Variants in TNIK observed in about 807,000 individuals in gnomAD.
TNIK encodes TRAF2 and NCK interacting kinase, also known as TRAF2 and NCK-interacting protein kinase.
TNIK carries 49 observed loss-of-function variants against 191.3 expected under a neutral mutation model. The observed-to-expected ratio is 0.26, with a 90% confidence interval of 0.20 to 0.32. TNIK has a LOEUF of 0.32. Among genes scored for constraint, TNIK ranks in the 10% least tolerant of loss-of-function variants. The pLI, the probability that TNIK is intolerant of heterozygous loss-of-function variation, is 1.00. For missense variants in TNIK, 1,155 were observed against 1,702.3 expected (o/e 0.68, Z 5.66); for synonymous variants, 594 against 600.9 (o/e 0.99, Z 0.17).
At chr3:171,100,746 GAA>G (rs111353325) in intron 22 of TNIK, among the ~76,000 whole-genome samples, 138 of 92,902 alleles carry the variant, frequency 1.5e-3, no homozygotes, top group Non-Finnish European at 1.8e-3. Flanking sequence ...TCCTCACCTT[GAA>G]AAAAAAAAAA....
chr3:171,162,793 TA>T (rs1018380209), intron 10 of TNIK, among the ~76,000 whole-genome samples: 1 of 152,264 alleles, frequency 6.6e-6, no homozygotes, highest in Admixed American at 6.5e-5. Flanking sequence ...ATCTCATTAA[TA>T]AAAGGTCAAT....
chr3:171,199,919 C>T (rs1283644059), intron 4 of TNIK, among the ~76,000 whole-genome samples: 1 of 152,186 alleles, frequency 6.6e-6, no homozygotes, highest in Non-Finnish European at 1.5e-5. Context: ...TGGAAGATAG[C>T]ATCAATACCT....
In TNIK at chr3:171,353,858, G is replaced by A. The variant is rs1226811907; in HGVS notation, c.123+15762C>T. ...TTTTTTCTTCTCTTAGTAATAGTAG[G>A]CAGTAATGATTGTGGTCCTGGTACT... is the stretch of plus-strand genomic sequence containing the variant. On this transcript the variant is annotated intron_variant, in intron 2 of 32. Coordinates refer to ENST00000436636, the MANE Select transcript of TNIK (RefSeq NM_015028.4). Among the ~76,000 whole-genome samples, 7 of 152,268 alleles carry A rather than the reference G, an allele frequency of 4.6e-5. No homozygotes were observed. In the South Asian group the frequency reaches 1.0e-3, roughly 23 times the overall value.
At position 171,460,205 on chromosome 3, in the gene TNIK, C is replaced by T; in HGVS notation, c.-142G>A. 4 of 1,042,620 alleles carry T rather than the reference C, an allele frequency of 3.8e-6. No individual in the cohort carries two copies. The highest frequency in any genetic ancestry group is 5.6e-6 in the Non-Finnish European group (4 of 715,090). The allele number at this position is 1,042,620 out of a possible 1,614,324, so 64.6% of individuals were successfully genotyped here. A position where few individuals can be genotyped will look rare whatever the true frequency, so the allele number is the denominator to read the frequency against. Reference sequence around the variant, plus strand: ...GCCCAGCCTCCCCCGCCCACCCCAGCCCCACAGCGCCGGATCCCGATCCTC... The same window carrying T: ...GCCCAGCCTCCCCCGCCCACCCCAGTCCCACAGCGCCGGATCCCGATCCTC... On this transcript the variant is annotated 5_prime_UTR_variant, in exon 1 of 33. Coordinates refer to ENST00000436636, the MANE Select transcript of TNIK (RefSeq NM_015028.4). This position sits in a 1 kb window ranked among gnomAD's most constrained non-coding sequence, Gnocchi z 6.8.
chr3:171,208,181 C>G (rs1201905080), intron 4 of TNIK, among the ~76,000 whole-genome samples: 2 of 151,996 alleles, frequency 1.3e-5, no homozygotes, highest in Non-Finnish European at 2.9e-5. Flanking sequence ...ATTAGCTGGG[C>G]ATAGTGGCGT....
At chr3:171,447,127 G>T (rs1057416528) in intron 1 of TNIK, among the ~76,000 whole-genome samples, 1 of 152,120 alleles carries the variant, frequency 6.6e-6, no homozygotes, top group Non-Finnish European at 1.5e-5. Flanking sequence ...GGAGGCAGAG[G>T]TTGCAGTGAG....
chr3:171,183,306 A>AG (rs1316074937), intron 7 of TNIK, among the ~76,000 whole-genome samples: 2 of 152,250 alleles, frequency 1.3e-5, no homozygotes, highest in Non-Finnish European at 2.9e-5. Flanking sequence ...GCTGACTCCT[A>AG]GCTCCATTAT....
intron 2 of TNIK, among the ~76,000 whole-genome samples, chr3:171,257,220 G>A (rs1459129315): frequency 6.6e-6 from 1 of 152,200 alleles, no homozygotes; most frequent in Non-Finnish European, 1.5e-5. Flanking sequence ...AACCAGGGCA[G>A]GCGGTACTCT....
At chr3:171,089,886 G>A (rs1317742259) in intron 23 of TNIK, among the ~76,000 whole-genome samples, 1 of 152,048 alleles carries the variant, frequency 6.6e-6, no homozygotes, top group East Asian at 1.9e-4. Flanking sequence ...TGAGTGACAC[G>A]GGTTCTAAGT....
intron 1 of TNIK, among the ~76,000 whole-genome samples, chr3:171,456,835 T>C (rs1013703250): frequency 6.6e-6 from 1 of 152,282 alleles, no homozygotes; most frequent in African/African-American, 2.4e-5. Context: ...TATTGATTTC[T>C]GATTCCACCA....
At chr3:171,359,641 A>G (rs997035184) in intron 2 of TNIK, among the ~76,000 whole-genome samples, 4 of 152,208 alleles carry the variant, frequency 2.6e-5, no homozygotes, top group African/African-American at 7.2e-5. Flanking sequence ...ATGTAGTAGT[A>G]AGCATATATT....
intron 12 of TNIK, among the ~76,000 whole-genome samples, chr3:171,143,720 T>A (rs75184555): frequency 0.011 from 1,680 of 152,304 alleles, 29 homozygotes; most frequent in African/African-American, 0.038. Context: ...ATTGTTTCCA[T>A]ATCAGGCCAG....
intron 2 of TNIK, among the ~76,000 whole-genome samples, chr3:171,325,614 G>A (rs1435053163): frequency 6.6e-6 from 1 of 151,106 alleles, no homozygotes; most frequent in African/African-American, 2.4e-5. Context: ...ATCCTTAAAT[G>A]TTATTGTTTA....
intron 3 of TNIK, among the ~76,000 whole-genome samples, chr3:171,214,407 T>C (rs1741215905): frequency 1.3e-5 from 2 of 152,178 alleles, no homozygotes; most frequent in Admixed American, 1.3e-4. Context: ...ATCTTTTCCT[T>C]TGTAGCACCT....
chr3:171,329,223 T>C (rs769922701), intron 2 of TNIK, among the ~76,000 whole-genome samples: 20 of 152,256 alleles, frequency 1.3e-4, no homozygotes, highest in Non-Finnish European at 2.4e-4. Context: ...GCCTGGTCCC[T>C]ACTAAGTGCT....
chr3:171,215,962 T>A (rs1741410239), intron 3 of TNIK, among the ~76,000 whole-genome samples: 1 of 152,152 alleles, frequency 6.6e-6, no homozygotes, highest in Admixed American at 6.6e-5. Flanking sequence ...GGTGTATAGA[T>A]TCATAAATGC....
intron 2 of TNIK, among the ~76,000 whole-genome samples, chr3:171,329,146 C>T (rs80148920): frequency 0.016 from 2,371 of 152,186 alleles, 58 homozygotes; most frequent in East Asian, 0.062. Flanking sequence ...TCTGTAGTAG[C>T]TTCACTATCT....
At chr3:171,347,488 A>G (rs1712431327) in intron 2 of TNIK, among the ~76,000 whole-genome samples, 1 of 152,052 alleles carries the variant, frequency 6.6e-6, no homozygotes, top group African/African-American at 2.4e-5. Flanking sequence ...GACTTCTTCT[A>G]TTTCAACTCC....
At chr3:171,206,719 T>C (rs1420635698) in intron 4 of TNIK, among the ~76,000 whole-genome samples, 1 of 152,132 alleles carries the variant, frequency 6.6e-6, no homozygotes, top group Non-Finnish European at 1.5e-5. Context: ...GTCAATTAAC[T>C]TCACTGGACC....
Sources: allele counts gnomAD v4.1 joint callset (sites outside exome capture counted in the v4.1 genomes callset), GRCh38; gene constraint gnomAD v4.1.1; non-coding constraint Gnocchi (gnomAD v3.1); transcripts MANE v1.5; gene names NCBI Gene and HGNC (gene_info 2026-07-23, HGNC 2026-07-21).